The following PER3 variants were observed in gnomAD, a reference collection of about 807,000 sequenced individuals.
PER3 encodes the protein period circadian protein homolog 3.
Under a neutral mutation model 127.2 loss-of-function variants are expected in PER3, and 107 were observed. The ratio of observed to expected loss-of-function variants is 0.84; its 90% CI spans 0.72 to 0.99. PER3 has a LOEUF of 0.99. Among genes scored for constraint, PER3 ranks in the 50% least tolerant of loss-of-function variants. The pLI is 0.00. For missense variants in PER3, 1,560 were observed against 1,525.8 expected (o/e 1.02, Z -0.37); for synonymous variants, 618 against 585.8 (o/e 1.05, Z -0.79).
chr1:7,830,419 T>A (rs1338705813), intron 19 of PER3, among the ~76,000 whole-genome samples: 1 of 152,214 alleles, frequency 6.6e-6, no homozygotes, highest in Non-Finnish European at 1.5e-5. Context: ...AACATTTCTG[T>A]CACCCCAAAC....
In PER3 at chr1:7,829,955, CG is replaced by C; in HGVS notation, c.3009del (p.Pro1004LeufsTer3). ...ACTGCCAGCGCTCTGTCCACAGGAT[CG>C]CCTCCCATGAAGAATCCATCCCATC... ...HPTASALSTG[S>X]PPMKNPSHPT... is the part of the protein sequence containing the mutation. On this transcript the variant is annotated frameshift_variant, in exon 19 of 22. Transcript: ENST00000377532. LOFTEE classifies it high-confidence loss of function. 1.6e-6 allele frequency: 2 copies of C among 1,222,220 alleles called. No homozygotes were observed. Among genetic ancestry groups the C allele is most frequent in the Non-Finnish European group, 1.0e-6 (1 of 958,970 alleles). The allele number at this position is 1,222,220 out of a possible 1,614,324, so 75.7% of individuals were successfully genotyped here. A position where few individuals can be genotyped will look rare whatever the true frequency, so the allele number is the denominator to read the frequency against.
In PER3 at chr1:7,827,210, T is replaced by C. The variant is rs376677558; in HGVS notation, c.2281T>C (p.Ser761Pro). The C allele has an allele frequency of 3.7e-5, 60 of 1,613,734 alleles. No homozygotes were observed. The highest frequency in any genetic ancestry group is 4.8e-5 in the Non-Finnish European group (57 of 1,179,958). Residue 761 changes from serine to proline, a missense_variant, in exon 18 of 22, where the codon TCG (serine) becomes CCG (proline). Ser to Pro is a moderately conservative substitution (Grantham distance 74). This residue lies in a region of PER3 where 1,332 missense variants were observed against 1,223.6 expected (regional missense o/e 1.09). Coordinates refer to ENST00000377532, the MANE Select transcript of PER3 (RefSeq NM_001377275.1). ...GCCGGAGCCGCCAGACAGCAGCAGC[T>C]CGAACACCGGCTCTGGTCCCCGCAG... is the stretch of plus-strand genomic sequence containing the variant. ...KLPEPPDSSS[S>P]NTGSGPRRGA...
intron 8 of PER3, 116 bp downstream of exon 8, chr1:7,801,307 C>T: frequency 1.2e-5 from 7 of 604,884 alleles, no homozygotes; most frequent in South Asian, 7.1e-5. Flanking sequence ...TGTCCATTTG[C>T]CTATTTGATT....
In PER3 at chr1:7,808,232, C is replaced by CAAAAAAA. The variant is rs60220289; in HGVS notation, c.1137-640_1137-634dup. On this transcript the variant is annotated intron_variant, in intron 10 of 21. Coordinates refer to ENST00000377532, the MANE Select transcript of PER3 (RefSeq NM_001377275.1). ...TGGGTGACAGAGCAAGACTCTGTCT[C>CAAAAAAA]AAAAAAAAAAAAAAAAAAAAAAAAA... is the stretch of plus-strand genomic sequence containing the variant. 1.9e-3 allele frequency among the ~76,000 whole-genome samples: 181 copies of CAAAAAAA among 97,686 alleles called. 12 individuals are homozygous for CAAAAAAA. The highest frequency in any genetic ancestry group is 5.1e-3 in the African/African-American group (150 of 29,528). 64.1% of individuals were successfully genotyped at this position (97,686 alleles called of 152,430 possible). A position where few individuals can be genotyped will look rare whatever the true frequency, so the allele number is the denominator to read the frequency against.
intron 19 of PER3, among the ~76,000 whole-genome samples, chr1:7,832,755 T>TAA (rs2097338708): frequency 6.6e-6 from 1 of 152,078 alleles, no homozygotes; most frequent in African/African-American, 2.4e-5. Context: ...GAAGCTTACT[T>TAA]GTTAGATCTT....
chr1:7,807,439 G>C (rs2150790881), intron 10 of PER3, among the ~76,000 whole-genome samples: 1 of 152,312 alleles, frequency 6.6e-6, no homozygotes, highest in Non-Finnish European at 1.5e-5. Flanking sequence ...TGATTGTCTT[G>C]ATAATTTCTG....
chr1:7,838,164 C>T (rs2097367095), intron 21 of PER3, among the ~76,000 whole-genome samples: 2 of 152,128 alleles, frequency 1.3e-5, no homozygotes, highest in African/African-American at 4.8e-5. Flanking sequence ...TGAAATCCTA[C>T]TACCCCCTCT....
At chr1:7,840,394 C>T (rs980061419) in intron 21 of PER3, among the ~76,000 whole-genome samples, 11 of 151,314 alleles carry the variant, frequency 7.3e-5, no homozygotes, top group African/African-American at 2.7e-4. Flanking sequence ...GTGGCATGAT[C>T]ATGGCTCACT....
At position 7,796,945 on chromosome 1, in the gene PER3, C is replaced by T. The variant is rs549002712; in HGVS notation, c.645-1580C>T. Among the ~76,000 whole-genome samples, 18 of 152,038 alleles carry T rather than the reference C, an allele frequency of 1.2e-4. 1 individual carries two copies. The highest frequency in any genetic ancestry group is 2.9e-4 in the African/African-American group (12 of 41,454). On this transcript the variant is annotated intron_variant, in intron 6 of 21. Transcript: ENST00000377532. Reference sequence around the variant, plus strand: ...TGGAGTTATCATTTTTTGAGGCAGACGAAATTCTAGGAAAATCAACTTCCT... The same window carrying T: ...TGGAGTTATCATTTTTTGAGGCAGATGAAATTCTAGGAAAATCAACTTCCT...
chr1:7,809,855 G>C (rs228668), intron 11 of PER3, 38 bp from the exon 12 acceptor site: 1,539,467 of 1,600,816 alleles, frequency 0.96, 740,375 homozygotes, highest in East Asian at 1. Context: ...CATTTGAACA[G>C]CCAGCAATTC....
intron 13 of PER3, among the ~76,000 whole-genome samples, chr1:7,817,399 G>A (rs1270289943): frequency 6.6e-6 from 1 of 152,214 alleles, no homozygotes; most frequent in Non-Finnish European, 1.5e-5. Flanking sequence ...GAAGAACGGA[G>A]CTCAGTAGCT....
At chr1:7,812,919 AAAATGTTATAATTT>A (rs2097227071) in intron 13 of PER3, among the ~76,000 whole-genome samples, 1 of 152,214 alleles carries the variant, frequency 6.6e-6, no homozygotes, top group East Asian at 1.9e-4. Flanking sequence ...ATGCAACTTA[AAAATGTTATAATTT>A]AAATGTTAGA....
chr1:7,787,342 T>C (rs2097096718), intron 4 of PER3: 1 of 266,302 alleles, frequency 3.8e-6, no homozygotes, highest in Non-Finnish European at 7.4e-6. Flanking sequence ...GTAATCTTCA[T>C]GTTTGGTTGA....
At chr1:7,840,402 A>G (rs780759636) in intron 21 of PER3, among the ~76,000 whole-genome samples, 1 of 150,608 alleles carries the variant, frequency 6.6e-6, no homozygotes, top group Non-Finnish European at 1.5e-5. Flanking sequence ...ATCATGGCTC[A>G]CTGCAGCCTC....
chr1:7,805,681 C>T (rs2097189830), intron 10 of PER3, among the ~76,000 whole-genome samples: 1 of 152,138 alleles, frequency 6.6e-6, no homozygotes, highest in Non-Finnish European at 1.5e-5. Context: ...ACATGAAATC[C>T]GATGGTTGCT....
intron 5 of PER3, among the ~76,000 whole-genome samples, chr1:7,789,155 A>ATG (rs2097106970): frequency 6.6e-6 from 1 of 151,014 alleles, no homozygotes; most frequent in African/African-American, 2.4e-5. Context: ...ATATATATAT[A>ATG]TATCAGCGTT....
intron 19 of PER3, 42 bp from the exon 20 acceptor site, chr1:7,835,720 C>T (rs1170053432): frequency 2.9e-5 from 41 of 1,424,144 alleles, no homozygotes; most frequent in Non-Finnish European, 3.4e-5. Context: ...GCAAATCAGT[C>T]GGACAGGTCT....
In PER3 at chr1:7,802,552, A is replaced by G. The variant is rs2097175091; in HGVS notation, c.873-495A>G. ...AGTGCTGGGATTACAGGCGTGAGCC[A>G]CCGTGCCTGGCCTAGGTGACATTGT... On this transcript the variant is annotated intron_variant, in intron 8 of 21. Transcript: ENST00000377532. Among the ~76,000 whole-genome samples the G allele has an allele frequency of 2.0e-5, 3 of 152,362 alleles. No homozygotes were observed. In the South Asian group the frequency reaches 6.2e-4, roughly 32 times the overall value.
rs963730592 is a variant in PER3 at position 7,843,718 on chromosome 1, A to AC, written c.*964dup. The AC allele has an allele frequency of 1.2e-5, 2 of 167,444 alleles. No homozygotes were observed. The highest frequency in any genetic ancestry group is 4.8e-5 in the African/African-American group (2 of 41,634). The allele number at this position is 167,444 out of a possible 1,614,324, so 10.4% of individuals were successfully genotyped here. ...GGCACTGCCTTTTGTTTGCCCTTGAACAGGGCAGTGTTGTGGGGACTGCAA... is the reference window on the plus strand; with the variant it reads ...GGCACTGCCTTTTGTTTGCCCTTGAACCAGGGCAGTGTTGTGGGGACTGCAA... On this transcript the variant is annotated 3_prime_UTR_variant, in exon 22 of 22. Transcript: ENST00000377532.
Sources: allele counts gnomAD v4.1 joint callset (sites outside exome capture counted in the v4.1 genomes callset), GRCh38; gene constraint gnomAD v4.1.1; regional missense constraint gnomAD v4.1.1; transcripts MANE v1.5; gene names NCBI Gene and HGNC (gene_info 2026-07-23, HGNC 2026-07-21).